Variants in CFAP61 observed in about 807,000 individuals in gnomAD.
CFAP61 encodes the protein cilia- and flagella-associated protein 61.
A neutral mutation model predicts 135.6 loss-of-function variants in CFAP61; 107 were observed. The ratio of observed to expected loss-of-function variants is 0.79; its 90% confidence interval spans 0.67 to 0.93. CFAP61 has a LOEUF of 0.93. Among genes scored for constraint, CFAP61 ranks in the 40% least tolerant of loss-of-function variants. The pLI is 0.00. For synonymous variants in CFAP61, 575 were observed against 578.5 expected (o/e 0.99, Z 0.09); for missense variants, 1,507 against 1,556.2 (o/e 0.97, Z 0.53).
intron 21 of CFAP61, among the ~76,000 whole-genome samples, chr20:20,271,131 A>G (rs2053312496): frequency 6.6e-6 from 1 of 152,092 alleles, no homozygotes; most frequent in African/African-American, 2.4e-5. Flanking sequence ...ATCTCTACAA[A>G]AGTTTTTTTT....
Position 20,228,259 on chromosome 20 carries a change from C to T in CFAP61, c.1943C>T (p.Ala648Val). Reference protein sequence around the residue: ...KAVSKDPMSYALNHTNRKLTL... With the variant: ...KAVSKDPMSYVLNHTNRKLTL... ...GTATTTTTTTTCCAGATGAGTTATG[C>T]TTTAAACCATACAAACAGAAAACTA... The change falls in exon 18 of 27, where the codon GCT becomes GTT. Residue 648 changes from alanine (A) to valine (V), a missense_variant. By Grantham distance (64) the Ala-to-Val change is moderately conservative. Coordinates refer to ENST00000245957, the MANE Select transcript of CFAP61 (RefSeq NM_015585.4). 1.9e-6 allele frequency: 3 copies of T among 1,608,440 alleles called. No individual in the cohort carries two copies. Among genetic ancestry groups the T allele is most frequent in the Non-Finnish European group, 2.6e-6 (3 of 1,175,546 alleles).
chr20:20,253,203 TCCGTC>T (rs2051131543), intron 20 of CFAP61: 1 of 151,838 alleles, frequency 6.6e-6, no homozygotes, highest in Non-Finnish European at 1.5e-5. Flanking sequence ...CTTCCTTCCT[TCCGTC>T]CTTTCTTCCT....
At chr20:20,206,319 G>C (rs528928161) in intron 17 of CFAP61, among the ~76,000 whole-genome samples, 50 of 152,182 alleles carry the variant, frequency 3.3e-4, no homozygotes, top group Non-Finnish European at 5.7e-4. Context: ...CAATTCAAAG[G>C]TTTTTAGTAT....
chr20:20,304,575 G>A (rs948316524), intron 25 of CFAP61, among the ~76,000 whole-genome samples: 4 of 150,522 alleles, frequency 2.7e-5, no homozygotes, highest in East Asian at 2.0e-4. Context: ...TCACTCACAC[G>A]CCCAGTCACA....
chr20:20,180,701 C>T (rs2055000502), intron 13 of CFAP61, among the ~76,000 whole-genome samples: 2 of 152,194 alleles, frequency 1.3e-5, no homozygotes, highest in Admixed American at 6.5e-5. Context: ...AGGACACATA[C>T]ACACACATGT....
At chr20:20,165,782 C>CT (rs1343789029) in intron 11 of CFAP61, among the ~76,000 whole-genome samples, 14 of 152,146 alleles carry the variant, frequency 9.2e-5, no homozygotes, top group Non-Finnish European at 1.8e-4. Context: ...CCCTGTTGTA[C>CT]TTTAACTTTT....
intron 8 of CFAP61, among the ~76,000 whole-genome samples, chr20:20,134,545 C>T (rs1032653680): frequency 6.6e-6 from 1 of 152,120 alleles, no homozygotes; most frequent in African/African-American, 2.4e-5. Context: ...GTTTCTAGTT[C>T]ACAGGAAGAC....
At chr20:20,201,715 C>T (rs999287806) in intron 17 of CFAP61, among the ~76,000 whole-genome samples, 1 of 152,220 alleles carries the variant, frequency 6.6e-6, no homozygotes, top group Non-Finnish European at 1.5e-5. Context: ...AGGCGCTGGG[C>T]ATAGAAGTAC....
intron 26 of CFAP61, among the ~76,000 whole-genome samples, chr20:20,345,415 T>C (rs2058591170): frequency 6.6e-6 from 1 of 152,182 alleles, no homozygotes; most frequent in South Asian, 2.1e-4. Context: ...TTAAAATTAA[T>C]TTTTTTAAAA....
Position 20,359,595 on chromosome 20 carries a change from C to T in CFAP61, c.3514-615C>T, listed in dbSNP as rs183491010. Among the ~76,000 whole-genome samples the T allele has an allele frequency of 7.9e-5, 12 of 152,068 alleles. No homozygotes were observed. Among genetic ancestry groups the T allele is most frequent in the Admixed American group, 3.3e-4 (5 of 15,282 alleles). ...AGGAGAATAGTTTGAACCTGGTAGG[C>T]GGAGGTTGCAGTGAGCCGAGATCAT... On this transcript the variant is annotated intron_variant, in intron 26 of 26. Coordinates refer to ENST00000245957, the MANE Select transcript of CFAP61 (RefSeq NM_015585.4). The surrounding 1 kb of genome is among the most constrained non-coding windows in gnomAD (Gnocchi z 4.0).
chr20:20,171,641 A>G (rs2054231523), intron 13 of CFAP61: 1 of 438,328 alleles, frequency 2.3e-6, no homozygotes, highest in Non-Finnish European at 4.0e-6. Flanking sequence ...AATTTCAGTA[A>G]TTTTATTCTT....
intron 19 of CFAP61, among the ~76,000 whole-genome samples, chr20:20,250,925 G>A (rs1049864243): frequency 1.3e-5 from 2 of 152,230 alleles, no homozygotes; most frequent in Non-Finnish European, 2.9e-5. Flanking sequence ...ATGAATGGCC[G>A]CCCTGGGCCT....
chr20:20,158,934 C>T (rs908469245), intron 9 of CFAP61, among the ~76,000 whole-genome samples: 3 of 152,148 alleles, frequency 2.0e-5, no homozygotes, highest in Non-Finnish European at 4.4e-5. Context: ...ACTTTTGGTG[C>T]ACAAATAATT....
At chr20:20,193,532 C>G (rs1014092631) in intron 15 of CFAP61, among the ~76,000 whole-genome samples, 3 of 151,994 alleles carry the variant, frequency 2.0e-5, no homozygotes, top group Admixed American at 2.0e-4. Context: ...TGAGTCTACA[C>G]AAATATGATA....
intron 8 of CFAP61, among the ~76,000 whole-genome samples, chr20:20,130,002 C>T (rs890394624): frequency 1.1e-4 from 17 of 151,666 alleles, no homozygotes; most frequent in African/African-American, 3.9e-4. Flanking sequence ...TTAAAGATCA[C>T]TGAGTAGCCG....
At chr20:20,314,800 T>G (rs2057033609) in intron 25 of CFAP61, among the ~76,000 whole-genome samples, 1 of 135,410 alleles carries the variant, frequency 7.4e-6, no homozygotes, top group Non-Finnish European at 1.6e-5. Context: ...GGTTTTTTGT[T>G]CTTGCGATAG....
At chr20:20,275,792 G>T (rs531545514) in intron 21 of CFAP61, among the ~76,000 whole-genome samples, 17 of 152,310 alleles carry the variant, frequency 1.1e-4, no homozygotes, top group African/African-American at 4.1e-4. Flanking sequence ...TTCCTTGCAG[G>T]CTGATTCTTT....
chr20:20,112,406 G>A (rs1327710983), intron 8 of CFAP61, among the ~76,000 whole-genome samples: 1 of 151,776 alleles, frequency 6.6e-6, no homozygotes, highest in Non-Finnish European at 1.5e-5. Context: ...ACTTGACAAA[G>A]CTTTTCATGC....
intron 17 of CFAP61, 129 bp from the exon 18 acceptor site, chr20:20,228,120 A>C: frequency 1.5e-6 from 1 of 659,174 alleles, no homozygotes; most frequent in Non-Finnish European, 2.5e-6. Context: ...GTGGCTGTAC[A>C]TGGGCACTAT....
Sources: gnomAD v4.1 joint callset for allele counts (sites outside exome capture counted in the v4.1 genomes callset) on GRCh38, gnomAD v4.1.1 for gene constraint, Gnocchi (gnomAD v3.1) non-coding constraint, MANE v1.5 for transcripts, NCBI Gene and HGNC (gene_info 2026-07-23, HGNC 2026-07-21) for gene names.